The following SYBU variants were observed in gnomAD, a reference collection of about 807,000 sequenced individuals.
The protein encoded by SYBU is GOLSYN A protein.
SYBU carries 21 observed loss-of-function variants against 35.9 expected under a neutral mutation model. The ratio of observed to expected loss-of-function variants is 0.58; its 90% CI spans 0.41 to 0.84. SYBU has a LOEUF of 0.84. SYBU is among the 40% of genes least tolerant of loss of function. The pLI, the probability that SYBU is intolerant of heterozygous loss-of-function variation, is 0.00. For missense variants in SYBU, 768 were observed against 848.2 expected (o/e 0.91, Z 1.17); for synonymous variants, 319 against 324.3 (o/e 0.98, Z 0.18).
At chr8:109,656,592 A>G (rs932627691) in intron 1 of SYBU, among the ~76,000 whole-genome samples, 1 of 152,258 alleles carries the variant, frequency 6.6e-6, no homozygotes, top group African/African-American at 2.4e-5. Flanking sequence ...TGCTCACTTA[A>G]GAATTGCCTT....
chr8:109,660,182 G>T (rs1816508762), intron 1 of SYBU, among the ~76,000 whole-genome samples: 2 of 152,016 alleles, frequency 1.3e-5, no homozygotes, highest in South Asian at 4.1e-4. Flanking sequence ...AAAAGTAAAA[G>T]TCTTTTTACT....
At chr8:109,662,429 C>G (rs1816596304) in intron 1 of SYBU, among the ~76,000 whole-genome samples, 1 of 152,144 alleles carries the variant, frequency 6.6e-6, no homozygotes, top group Admixed American at 6.6e-5. Context: ...TCCAGTAAGT[C>G]ACCAGGTCCT....
chr8:109,644,420 C>G (rs917203511), intron 1 of SYBU, among the ~76,000 whole-genome samples: 17 of 152,162 alleles, frequency 1.1e-4, no homozygotes, highest in Non-Finnish European at 2.5e-4. Flanking sequence ...CCAATCATGT[C>G]ATTCTCCAAA....
intron 2 of SYBU, among the ~76,000 whole-genome samples, chr8:109,640,422 C>T (rs868474564): frequency 2.6e-4 from 40 of 152,048 alleles, no homozygotes; most frequent in Middle Eastern, 3.4e-3. Context: ...AAATCCCTCA[C>T]AGAGGAATTG....
At chr8:109,649,558 G>C (rs936452702), upstream of SYBU, among the ~76,000 whole-genome samples, 1 of 152,162 alleles carries the variant, frequency 6.6e-6, no homozygotes, top group Non-Finnish European at 1.5e-5. Context: ...CAGAAATTAA[G>C]GGCAAGTCCA....
At position 109,642,927 on chromosome 8, in the gene SYBU, C is replaced by T; in HGVS notation, c.30G>A (p.Glu10=). MGPLRESKK[E]HRVQHHDKEI... is the part of the protein sequence containing the mutation. ...CCTTGTCATGATGCTGCACTCTGTG[C>T]TCCTTCTCAAAATTGGACATCAAAA... The change falls in exon 2 of 7, where the codon GAG becomes GAA. Residue 10 remains glutamate, a synonymous_variant. Transcript: ENST00000276646. 6.7e-7 allele frequency: 1 copy of T among 1,492,324 alleles called. No homozygotes were observed. Among genetic ancestry groups the T allele is most frequent in the Non-Finnish European group, 9.0e-7 (1 of 1,116,682 alleles). The allele number at this position is 1,492,324 out of a possible 1,614,324, so 92.4% of individuals were successfully genotyped here.
chr8:109,649,771 A>G (rs1816041768), upstream of SYBU, among the ~76,000 whole-genome samples: 2 of 152,220 alleles, frequency 1.3e-5, no homozygotes, highest in African/African-American at 2.4e-5. Flanking sequence ...ATGGGGACAC[A>G]TTGTTGGACA....
chr8:109,585,017 A>G (rs1461111671), intron 4 of SYBU, among the ~76,000 whole-genome samples: 1 of 152,168 alleles, frequency 6.6e-6, no homozygotes, highest in African/African-American at 2.4e-5. Flanking sequence ...CCACCAAGCT[A>G]AAATATACCA....
chr8:109,579,305 A>G (rs183738957), intron 5 of SYBU, among the ~76,000 whole-genome samples: 2 of 152,206 alleles, frequency 1.3e-5, no homozygotes, highest in African/African-American at 2.4e-5. Flanking sequence ...TCAGACCTCA[A>G]TTCCATTTCA....
chr8:109,645,641 T>G (rs1181014731), upstream of SYBU: 4 of 286,052 alleles, frequency 1.4e-5, no homozygotes, highest in African/African-American at 2.3e-5. Flanking sequence ...TTGTTTTTTT[T>G]TTTTTCCGTT....
At chr8:109,607,808 TCACACACA>T (rs71305960) in intron 3 of SYBU, 907 of 377,074 alleles carry the variant, frequency 2.4e-3, no homozygotes, top group South Asian at 8.4e-3. Flanking sequence ...CACAACTAAC[TCACACACA>T]CACACACACA....
intron 2 of SYBU, among the ~76,000 whole-genome samples, chr8:109,639,723 C>T (rs1031977097): frequency 2.0e-5 from 3 of 152,216 alleles, no homozygotes; most frequent in African/African-American, 7.2e-5. Context: ...GATTAAACAA[C>T]GAACACACCT....
intron 1 of SYBU, among the ~76,000 whole-genome samples, chr8:109,651,831 T>G (rs917986884): frequency 3.3e-5 from 5 of 152,172 alleles, no homozygotes; most frequent in African/African-American, 1.2e-4. Flanking sequence ...AGTTTCATCT[T>G]AATTTTTATT....
chr8:109,672,420 C>T (rs554672613), intron 1 of SYBU, among the ~76,000 whole-genome samples: 8 of 152,290 alleles, frequency 5.3e-5, no homozygotes, highest in Non-Finnish European at 1.0e-4. Context: ...ACCTGGGAAG[C>T]GCAATGGGTT....
chr8:109,641,284 G>A (rs1047502039), intron 2 of SYBU, among the ~76,000 whole-genome samples: 3 of 152,174 alleles, frequency 2.0e-5, no homozygotes, highest in Admixed American at 2.0e-4. Context: ...CAACTTTAAG[G>A]AAACTTTCTT....
chr8:109,672,183 G>A lies in SYBU; in HGVS notation c.-129+8528C>T, dbSNP rs866731817. Among the ~76,000 whole-genome samples the A allele has an allele frequency of 9.2e-5, 14 of 152,134 alleles. No homozygotes were observed. In the South Asian group the frequency reaches 1.0e-3, roughly 11 times the overall value. On this transcript the variant is annotated intron_variant, in intron 1 of 5. Coordinates refer to the SYBU transcript ENST00000408889. ...CCCGAAGTGCTGGGATTACAGGTGTGAGCCACCAAGCCCAGCCAAAATACA... is the reference window on the plus strand; with the variant it reads ...CCCGAAGTGCTGGGATTACAGGTGTAAGCCACCAAGCCCAGCCAAAATACA...
intron 4 of SYBU, chr8:109,580,325 G>A (rs1822879575): frequency 4.4e-6 from 1 of 225,796 alleles, no homozygotes. Flanking sequence ...TATTTTGGAG[G>A]CTGTTTATTT....
intron 2 of SYBU, among the ~76,000 whole-genome samples, chr8:109,626,066 T>C (rs141815845): frequency 3.9e-5 from 6 of 152,358 alleles, no homozygotes; most frequent in African/African-American, 1.2e-4. Context: ...TGTATGTTCA[T>C]TGACCTTTTA....
At chr8:109,583,712 C>T (rs1473158154) in intron 4 of SYBU, among the ~76,000 whole-genome samples, 1 of 152,144 alleles carries the variant, frequency 6.6e-6, no homozygotes, top group Non-Finnish European at 1.5e-5. Flanking sequence ...CCCCCCCATG[C>T]GTGGCCCTCC....
Sources: allele counts gnomAD v4.1 joint callset (sites outside exome capture counted in the v4.1 genomes callset), GRCh38; gene constraint gnomAD v4.1.1; transcripts MANE v1.5; gene names NCBI Gene and HGNC (gene_info 2026-07-23, HGNC 2026-07-21).